The following ATP8A2 variants were observed in gnomAD, a reference collection of about 807,000 sequenced individuals.
ATP8A2 encodes the protein phospholipid-transporting ATPase IB.
A neutral mutation model predicts 165.6 loss-of-function variants in ATP8A2; 100 were observed. That is an observed-to-expected ratio of 0.60 (90% CI 0.51 to 0.71). The LOEUF (loss-of-function observed/expected upper bound fraction) is 0.71, where lower values mean the gene tolerates loss of function less well. Among genes scored for constraint, ATP8A2 ranks in the 30% least tolerant of loss-of-function variants. The pLI is 0.00. For missense variants in ATP8A2, 1,227 were observed against 1,479.5 expected (o/e 0.83, Z 2.80); for synonymous variants, 543 against 548.8 (o/e 0.99, Z 0.15).
intron 24 of ATP8A2, among the ~76,000 whole-genome samples, chr13:25,640,279 C>T (rs955835596): frequency 4.6e-5 from 7 of 152,070 alleles, no homozygotes; most frequent in African/African-American, 1.7e-4. Flanking sequence ...GAAATAGAGA[C>T]ACAAAAAACC....
rs1951363828 is a variant in ATP8A2, at chr13:25,828,006, T to A, written c.2680-112T>A. 10 of 810,934 alleles carry A rather than the reference T, an allele frequency of 1.2e-5. No homozygotes were observed. The East Asian group carries it at 2.4e-4, about 20-fold the overall frequency. 50.2% of individuals were successfully genotyped at this position (810,934 alleles called of 1,614,324 possible). On this transcript the variant is annotated intron_variant, in intron 27 of 36. Transcript: ENST00000381655. The stretch of plus-strand genomic sequence containing the variant: ...CTGCTGCAGTCCCTGTGGCTCATGA[T>A]TCCTTAGCAGCTGTGTCCAGCTGGT...
intron 33 of ATP8A2, among the ~76,000 whole-genome samples, chr13:25,954,927 G>A (rs1015516214): frequency 3.3e-5 from 5 of 152,268 alleles, no homozygotes; most frequent in African/African-American, 9.6e-5. Flanking sequence ...TTTCAAAAAC[G>A]AGAATGCCTC....
At chr13:25,652,220 A>T (rs1349584627) in intron 24 of ATP8A2, among the ~76,000 whole-genome samples, 7 of 152,210 alleles carry the variant, frequency 4.6e-5, no homozygotes, top group Non-Finnish European at 8.8e-5. Flanking sequence ...TTCTTGATGC[A>T]CAATCAGGTT....
chr13:25,940,490 C>T (rs765695487), intron 33 of ATP8A2, among the ~76,000 whole-genome samples: 3 of 152,226 alleles, frequency 2.0e-5, no homozygotes, highest in African/African-American at 7.2e-5. Context: ...CAGGCCCCAC[C>T]GGCCTTTCCT....
At chr13:25,489,311 T>A (rs2036448741) in intron 2 of ATP8A2, among the ~76,000 whole-genome samples, 1 of 152,146 alleles carries the variant, frequency 6.6e-6, no homozygotes, top group Admixed American at 6.5e-5. Flanking sequence ...GCACTTTCCC[T>A]GGAACACTGT....
At chr13:25,583,424 A>T (rs1323509510) in intron 23 of ATP8A2, among the ~76,000 whole-genome samples, 1 of 152,160 alleles carries the variant, frequency 6.6e-6, no homozygotes, top group Non-Finnish European at 1.5e-5. Context: ...GTAAAGTGGT[A>T]ACCTTTCTTA....
At chr13:25,567,294 A>G (rs544644035) in intron 16 of ATP8A2, 84 of 456,588 alleles carry the variant, frequency 1.8e-4, no homozygotes, top group South Asian at 1.2e-3. Context: ...GAGCACAGCT[A>G]ATACCTCTCC....
At chr13:25,531,396 G>GTTATAT (rs1566230219) in intron 4 of ATP8A2, among the ~76,000 whole-genome samples, 1 of 69,546 alleles carries the variant, frequency 1.4e-5, no homozygotes, top group Non-Finnish European at 2.5e-5. Flanking sequence ...ATATATATAT[G>GTTATAT]ATTATATATA....
intron 27 of ATP8A2, among the ~76,000 whole-genome samples, chr13:25,817,455 TAAAGA>T (rs1358088435): frequency 2.0e-5 from 3 of 151,884 alleles, no homozygotes; most frequent in Non-Finnish European, 4.4e-5. Flanking sequence ...AATGAGTAAT[TAAAGA>T]AAATTTTTAA....
intron 35 of ATP8A2, 81 bp downstream of exon 35, chr13:25,968,760 T>C: frequency 8.3e-7 from 1 of 1,206,180 alleles, no homozygotes; most frequent in South Asian, 1.3e-5. Flanking sequence ...TTTCTTTTTC[T>C]CATCTTGGTT....
At position 25,546,397 on chromosome 13, in the gene ATP8A2, A is replaced by G. The variant is rs2038650343; in HGVS notation, c.891+2995A>G. Reference sequence around the variant, plus strand: ...CAACAGGTAAAAATAATGAGCTTTCAAAAGGAATATAACACACATAGCTGG... The same window carrying G: ...CAACAGGTAAAAATAATGAGCTTTCGAAAGGAATATAACACACATAGCTGG... On this transcript the variant is annotated intron_variant, in intron 10 of 36. Transcript: ENST00000381655. 2.0e-5 allele frequency among the ~76,000 whole-genome samples: 3 copies of G among 152,320 alleles called. No individual in the cohort carries two copies. The South Asian group carries it at 6.2e-4, about 32-fold the overall frequency.
At chr13:25,393,133 C>CTTTTT (rs113512127) in intron 1 of ATP8A2, among the ~76,000 whole-genome samples, 1,761 of 138,596 alleles carry the variant, frequency 0.013, 47 homozygotes, top group Admixed American at 0.051. Context: ...TATTTACATA[C>CTTTTT]TTTTTTTTTT....
intron 33 of ATP8A2, among the ~76,000 whole-genome samples, chr13:25,910,178 T>C (rs911471942): frequency 1.3e-5 from 2 of 152,240 alleles, no homozygotes; most frequent in Admixed American, 6.5e-5. Context: ...GTAATACTTT[T>C]TGACAAGAAA....
intron 35 of ATP8A2, among the ~76,000 whole-genome samples, chr13:25,985,271 A>T (rs530816120): frequency 2.6e-5 from 4 of 152,374 alleles, no homozygotes; most frequent in Admixed American, 6.5e-5. Context: ...ACACAAAAAA[A>T]TAACCACTAG....
At chr13:26,012,180 G>T (rs1006897286) in intron 35 of ATP8A2, among the ~76,000 whole-genome samples, 1 of 152,214 alleles carries the variant, frequency 6.6e-6, no homozygotes, top group Non-Finnish European at 1.5e-5. Flanking sequence ...CAGGCAGGGG[G>T]CTGCAGGCAG....
chr13:25,968,636 C>G lies in ATP8A2; in HGVS notation c.3334C>G (p.Arg1112Gly). 2 of 1,613,798 alleles carry G rather than the reference C, an allele frequency of 1.2e-6. No individual in the cohort carries two copies. The highest frequency in any genetic ancestry group is 1.7e-6 in the Non-Finnish European group (2 of 1,179,990). The change falls in exon 35 of 37, where the codon CGA (arginine) becomes GGA (glycine). Residue 1112 changes from arginine to glycine, a missense_variant. By Grantham distance (125) the Arg-to-Gly change is moderately radical. Coordinates refer to ENST00000381655, the MANE Select transcript of ATP8A2 (RefSeq NM_016529.6). ...EEVQELETKSRVLGKAVLRDS... is the reference protein window; with the variant it reads ...EEVQELETKSGVLGKAVLRDS... Reference sequence around the variant, plus strand: ...GGTGCAGGAGCTGGAAACCAAGTCTCGAGTCCTGGGAAAAGCGGTGCTGCG... The same window carrying G: ...GGTGCAGGAGCTGGAAACCAAGTCTGGAGTCCTGGGAAAAGCGGTGCTGCG...
intron 27 of ATP8A2, among the ~76,000 whole-genome samples, chr13:25,791,598 G>A (rs1210446697): frequency 6.8e-6 from 1 of 148,010 alleles, no homozygotes; most frequent in Non-Finnish European, 1.5e-5. Flanking sequence ...CTACTAAGCA[G>A]TCCACTCTGC....
rs1489588168 is a variant in ATP8A2 at position 26,022,026 on chromosome 13, G to T, written c.*2041G>T. The T allele has an allele frequency of 6.6e-6, 1 of 152,136 alleles. No homozygotes were observed. Among genetic ancestry groups the T allele is most frequent in the African/African-American group, 2.4e-5 (1 of 41,406 alleles). 9.4% of individuals were successfully genotyped at this position (152,136 alleles called of 1,614,324 possible). Reference sequence around the variant, plus strand: ...GGCAGCAGAACAATGCAATTCACAGGTGAGGCTCCAAAAAGGGCCATTTCT... The same window carrying T: ...GGCAGCAGAACAATGCAATTCACAGTTGAGGCTCCAAAAAGGGCCATTTCT... On this transcript the variant is annotated 3_prime_UTR_variant, in exon 37 of 37. Coordinates refer to ENST00000381655, the MANE Select transcript of ATP8A2 (RefSeq NM_016529.6).
intron 24 of ATP8A2, among the ~76,000 whole-genome samples, chr13:25,645,468 G>A (rs7337375): frequency 0.94 from 143,176 of 152,262 alleles, 67,537 homozygotes; most frequent in Non-Finnish European, 0.98. Context: ...AGCTTAGTTT[G>A]TTCTTCTTTT....
Sources: gnomAD v4.1 joint callset for allele counts (sites outside exome capture counted in the v4.1 genomes callset) on GRCh38, gnomAD v4.1.1 for gene constraint, MANE v1.5 for transcripts, NCBI Gene and HGNC (gene_info 2026-07-23, HGNC 2026-07-21) for gene names.